CDH19: variants seen among roughly 807,000 people sequenced by gnomAD.
CDH19 encodes the protein cadherin-19.
CDH19 carries 67 observed loss-of-function variants against 64.2 expected under a neutral mutation model. That is an observed-to-expected ratio of 1.04 (90% CI 0.86 to 1.28). The LOEUF is 1.28. CDH19 is among the 50% of genes most tolerant of loss of function. The probability of loss-of-function intolerance (pLI) is 0.00; values close to 1 mark genes in which losing one functional copy is unlikely to be tolerated. For missense variants in CDH19, 1,030 were observed against 929.0 expected, an observed-to-expected ratio of 1.11 and a Z score of -1.41; for synonymous variants, 346 against 319.3, an observed-to-expected ratio of 1.08 and a Z score of -0.89.
chr18:66,597,443 T>TA (rs1174746743), intron 1 of CDH19, among the ~76,000 whole-genome samples: 1 of 152,012 alleles, frequency 6.6e-6, no homozygotes, highest in Non-Finnish European at 1.5e-5. Context: ...TTCCACCATA[T>TA]AAAAAAATCA....
chr18:66,588,615 T>TATAA, intron 1 of CDH19, among the ~76,000 whole-genome samples: 1 of 129,994 alleles, frequency 7.7e-6, no homozygotes, highest in Non-Finnish European at 1.8e-5. Flanking sequence ...CATATATATC[T>TATAA]ATATCTATAT....
At chr18:66,585,576 AT>A (rs1343287396) in intron 1 of CDH19, among the ~76,000 whole-genome samples, 1 of 152,120 alleles carries the variant, frequency 6.6e-6, no homozygotes, top group Non-Finnish European at 1.5e-5. Context: ...TCCGGCACGT[AT>A]TAAGAGTTAA....
chr18:66,509,840 C>T (rs1332519622), intron 10 of CDH19, among the ~76,000 whole-genome samples: 1 of 151,820 alleles, frequency 6.6e-6, no homozygotes, highest in East Asian at 1.9e-4. Context: ...AATAATTTCA[C>T]TTGGTAGACA....
intron 1 of CDH19, among the ~76,000 whole-genome samples, chr18:66,585,452 C>T (rs977084833): frequency 5.9e-5 from 9 of 151,928 alleles, no homozygotes; most frequent in African/African-American, 9.7e-5. Context: ...TCACCTTGGA[C>T]GAATAGCTCG....
Position 66,506,663 on chromosome 18 carries a change from A to ATG in CDH19, c.1829-1363_1829-1362dup, listed in dbSNP as rs372344051. Among the ~76,000 whole-genome samples, 10 of 151,652 alleles carry ATG rather than the reference A, an allele frequency of 6.6e-5. No homozygotes were observed. In the East Asian group the frequency reaches 1.6e-3, roughly 24 times the overall value. ...ACTTTTGCTTTAATTTTAAATAAAAATGTGTGTGTGTGTCTGTGTGTGTGT... is the reference window on the plus strand; with the variant it reads ...ACTTTTGCTTTAATTTTAAATAAAAATGTGTGTGTGTGTGTCTGTGTGTGTGT... On this transcript the variant is annotated intron_variant, in intron 11 of 11. Coordinates refer to ENST00000262150, the MANE Select transcript of CDH19 (RefSeq NM_021153.4).
chr18:66,525,038 T>G (rs369690218), intron 9 of CDH19, among the ~76,000 whole-genome samples: 2 of 152,166 alleles, frequency 1.3e-5, no homozygotes, highest in East Asian at 3.9e-4. Flanking sequence ...ATTTACATTA[T>G]TTAATTTATC....
chr18:66,543,248 C>G (rs904759918), intron 7 of CDH19, among the ~76,000 whole-genome samples: 27 of 151,990 alleles, frequency 1.8e-4, no homozygotes, highest in African/African-American at 5.8e-4. Flanking sequence ...AGGATGGTCT[C>G]GATCTCCTGA....
chr18:66,602,688 T>C (rs1568218041), intron 1 of CDH19, among the ~76,000 whole-genome samples: 2 of 151,870 alleles, frequency 1.3e-5, no homozygotes, highest in African/African-American at 4.8e-5. Flanking sequence ...TTCACTGTTA[T>C]AAAGGCTTGG....
At chr18:66,566,321 T>C (rs1050010525) in intron 3 of CDH19, among the ~76,000 whole-genome samples, 2 of 151,392 alleles carry the variant, frequency 1.3e-5, no homozygotes, top group Non-Finnish European at 2.9e-5. Context: ...TTAGAAGTTA[T>C]GTCCTTTTAC....
intron 3 of CDH19, among the ~76,000 whole-genome samples, chr18:66,556,865 A>G (rs1032908246): frequency 8.6e-5 from 13 of 151,990 alleles, no homozygotes; most frequent in African/African-American, 3.1e-4. Flanking sequence ...CTACTATGAA[A>G]TATCACTTCA....
chr18:66,508,294 C>T (rs1985298622), intron 11 of CDH19, among the ~76,000 whole-genome samples: 1 of 151,678 alleles, frequency 6.6e-6, no homozygotes, highest in African/African-American at 2.4e-5. Context: ...TTCAGTTAGA[C>T]ATTAGGAATA....
rs753173128 is a variant in CDH19 at position 66,505,063 on chromosome 18, G to A, written c.2068C>T (p.Pro690Ser). Residue 690 changes from proline (P) to serine (S), a missense_variant, in exon 12 of 12, where the codon CCC (proline) becomes TCC (serine). Transcript: ENST00000262150. Reference sequence around the variant, plus strand: ...AATTTCCTGAATATGGCACTGTCGGGGCCAACTTGCAAAGACTGCCTGTAT... The same window carrying A: ...AATTTCCTGAATATGGCACTGTCGGAGCCAACTTGCAAAGACTGCCTGTAT... The part of the protein sequence containing the change: ...SLYRQSLQVG[P>S]DSAIFRKFIL... The A allele has an allele frequency of 1.2e-6, 2 of 1,613,708 alleles. No individual in the cohort carries two copies. Among genetic ancestry groups the A allele is most frequent in the Non-Finnish European group, 1.7e-6 (2 of 1,179,776 alleles).
intron 10 of CDH19, 48 bp downstream of exon 10, chr18:66,511,520 A>G (rs1220362825): frequency 2.5e-6 from 2 of 793,582 alleles, no homozygotes; most frequent in Admixed American, 2.0e-5. Flanking sequence ...AAAGTCTAAC[A>G]TGAGTCACAA....
chr18:66,548,100 GTTATATATTATATAAAATA>G (rs1987200218), intron 5 of CDH19, among the ~76,000 whole-genome samples: 1 of 144,972 alleles, frequency 6.9e-6, no homozygotes, highest in African/African-American at 2.5e-5. Context: ...TTATATATTT[GTTATATATTATATAAAATA>G]TTATATATTA....
intron 7 of CDH19, among the ~76,000 whole-genome samples, chr18:66,543,127 G>A (rs1168573000): frequency 6.6e-6 from 1 of 152,100 alleles, no homozygotes; most frequent in South Asian, 2.1e-4. Flanking sequence ...CTGGGTTCAC[G>A]CCATTCTCCT....
intron 3 of CDH19, among the ~76,000 whole-genome samples, chr18:66,556,146 T>G (rs555449399): frequency 6.6e-6 from 1 of 151,706 alleles, no homozygotes; most frequent in East Asian, 1.9e-4. Flanking sequence ...ATGCTTTTTC[T>G]ATAAAATAAA....
chr18:66,517,540 A>G (rs948805935), intron 9 of CDH19, among the ~76,000 whole-genome samples: 1 of 152,000 alleles, frequency 6.6e-6, no homozygotes, highest in African/African-American at 2.4e-5. Flanking sequence ...ACACATTAAG[A>G]ACAAAACCAA....
intron 10 of CDH19, among the ~76,000 whole-genome samples, chr18:66,510,627 A>G (rs1415095804): frequency 5.6e-4 from 75 of 133,674 alleles, no homozygotes; most frequent in Non-Finnish European, 2.1e-4. Flanking sequence ...AATAATAATA[A>G]TACATGTACC....
intron 1 of CDH19, among the ~76,000 whole-genome samples, chr18:66,600,274 T>C (rs1260666316): frequency 2.6e-5 from 4 of 151,896 alleles, no homozygotes; most frequent in Non-Finnish European, 5.9e-5. Flanking sequence ...GATGATGTTT[T>C]ATATAAAATA....
Sources: gnomAD v4.1 joint callset for allele counts (sites outside exome capture counted in the v4.1 genomes callset) on GRCh38, gnomAD v4.1.1 for gene constraint, MANE v1.5 for transcripts, NCBI Gene and HGNC (gene_info 2026-07-23, HGNC 2026-07-21) for gene names.